Variants in NLRP1 observed in about 807,000 individuals in gnomAD.
NLRP1 encodes the protein NLR family pyrin domain containing 1, also known as NACHT, LRR and PYD domains-containing protein 1.
In NLRP1, 94 loss-of-function variants were observed where a neutral mutation model predicts 136.7. The observed-to-expected ratio is 0.69, with a 90% CI of 0.58 to 0.82. The LOEUF (loss-of-function observed/expected upper bound fraction) is 0.82. Ranked by LOEUF, NLRP1 falls within the 40% of genes least tolerant of loss-of-function variation. NLRP1 has a pLI of 0.00. For synonymous variants in NLRP1, 690 were observed against 725.1 expected (o/e 0.95, Z 0.78); for missense variants, 1,575 against 1,802.7 (o/e 0.87, Z 2.29).
At chr17:5,542,213 G>GT (rs1555545248) in intron 5 of NLRP1, among the ~76,000 whole-genome samples, 186 bp from the exon 6 acceptor site, 1 of 151,154 alleles carries the variant, frequency 6.6e-6, no homozygotes, top group Non-Finnish European at 1.5e-5. Context: ...ATAATAGTTA[G>GT]TTTTTTGATC....
At chr17:5,511,551 C>T (rs868718187), downstream of NLRP1, among the ~76,000 whole-genome samples, 11 of 152,234 alleles carry the variant, frequency 7.2e-5, no homozygotes, top group Middle Eastern at 6.9e-3. Context: ...GGCTCCACTT[C>T]GGGGCTCGCT....
intron 3 of NLRP1, among the ~76,000 whole-genome samples, chr17:5,572,838 G>T (rs1567670113): frequency 6.6e-6 from 1 of 152,166 alleles, no homozygotes; most frequent in Non-Finnish European, 1.5e-5. Context: ...AAATTGGGGT[G>T]GTTCCAAGAT....
intron 5 of NLRP1, among the ~76,000 whole-genome samples, chr17:5,549,006 G>T (rs941311572): frequency 1.3e-5 from 2 of 152,148 alleles, no homozygotes; most frequent in African/African-American, 4.8e-5. Flanking sequence ...TTCTGCTAGG[G>T]ATTGTGTTGA....
chr17:5,558,964 C>G lies in NLRP1; in HGVS notation c.1732G>C (p.Gly578Arg), dbSNP rs115799546. ...LRDLCSLAAE[G>R]IWQKKTLFSP... ...AAAAGGGTCTTTTTTTGCCAGATGC[C>G]CTCAGCAGCCAGAGAGCAGAGGTCT... Residue 578 changes from glycine (G) to arginine (R), a missense_variant, in exon 4 of 17, where the codon GGC becomes CGC. Physicochemically the swap from Gly to Arg is moderately radical, Grantham distance 125 (BLOSUM62 -2). Transcript: ENST00000572272. 6.2e-7 allele frequency: 1 copy of G among 1,614,066 alleles called. No homozygotes were observed. Among genetic ancestry groups the G allele is most frequent in the South Asian group, 1.1e-5 (1 of 91,076 alleles).
At chr17:5,519,848 CTTTTTTTTTTTTTTT>C (rs755028729) in intron 14 of NLRP1, among the ~76,000 whole-genome samples, 2 of 90,266 alleles carry the variant, frequency 2.2e-5, no homozygotes, top group Non-Finnish European at 4.4e-5. Context: ...TAAATCAGGT[CTTTTTTTTTTTTTTT>C]TTTTTTTTTT....
At chr17:5,523,393 C>A (rs931269247) in intron 12 of NLRP1, among the ~76,000 whole-genome samples, 2 of 152,160 alleles carry the variant, frequency 1.3e-5, no homozygotes, top group African/African-American at 4.8e-5. Flanking sequence ...TATTTTCTGC[C>A]GCCTGTCTCC....
downstream of NLRP1, among the ~76,000 whole-genome samples, chr17:5,513,045 C>A (rs117654893): frequency 6.6e-6 from 1 of 152,198 alleles, no homozygotes; most frequent in Admixed American, 6.5e-5. Context: ...GTGATACAGG[C>A]GTGTCAGATT....
chr17:5,573,962 A>G (rs1307146464), intron 3 of NLRP1, among the ~76,000 whole-genome samples: 2 of 152,224 alleles, frequency 1.3e-5, no homozygotes, highest in South Asian at 2.1e-4. Flanking sequence ...ACGGAGAATG[A>G]CTTTGATGAG....
intron 3 of NLRP1, among the ~76,000 whole-genome samples, chr17:5,565,063 A>C (rs574788152): frequency 6.6e-4 from 101 of 152,290 alleles, no homozygotes; most frequent in South Asian, 2.1e-3. Context: ...AGGAAACTCC[A>C]AACTGTTCTC....
chr17:5,548,612 A>C (rs1912960471), intron 5 of NLRP1, among the ~76,000 whole-genome samples: 1 of 152,108 alleles, frequency 6.6e-6, no homozygotes. Context: ...TTGTGGTCTC[A>C]TTTTTTACCT....
At chr17:5,571,288 C>T (rs778646118) in intron 3 of NLRP1, among the ~76,000 whole-genome samples, 2 of 152,130 alleles carry the variant, frequency 1.3e-5, no homozygotes, top group Non-Finnish European at 2.9e-5. Flanking sequence ...AAGTAAAAGA[C>T]ATCCAAATAG....
intron 15 of NLRP1, among the ~76,000 whole-genome samples, chr17:5,516,188 C>G (rs757882909): frequency 1.3e-5 from 2 of 151,996 alleles, no homozygotes; most frequent in African/African-American, 4.8e-5. Context: ...GAGGTGGGCA[C>G]AGGGGAGGGA....
chr17:5,582,593 C>T, intron 2 of NLRP1, 77 bp downstream of exon 2: 1 of 1,411,820 alleles, frequency 7.1e-7, no homozygotes, highest in Non-Finnish European at 9.8e-7. Context: ...CATGCACAGA[C>T]ATGATCCTCT....
chr17:5,546,238 C>T (rs1912643341), intron 5 of NLRP1, among the ~76,000 whole-genome samples: 1 of 151,642 alleles, frequency 6.6e-6, no homozygotes, highest in Non-Finnish European at 1.5e-5. Context: ...ATTGTACCAG[C>T]TGGCTGCAAG....
Position 5,584,099 on chromosome 17 carries a change from G to A in NLRP1, c.-142C>T, listed in dbSNP as rs1906020142. 2.5e-6 allele frequency: 2 copies of A among 805,088 alleles called. No individual in the cohort carries two copies. The highest frequency in any genetic ancestry group is 3.8e-6 in the Non-Finnish European group (2 of 521,926). The allele number at this position is 805,088 out of a possible 1,614,324, so 49.9% of individuals were successfully genotyped here. ...CGGAACCCAGTTTTATAAATCCCAG[G>A]GCACCTACAGATAGACGCCGATAGA... is the stretch of plus-strand genomic sequence containing the variant. On this transcript the variant is annotated 5_prime_UTR_variant, in exon 1 of 17. Transcript: ENST00000572272.
At chr17:5,581,364 C>T (rs1305717757) in intron 3 of NLRP1, among the ~76,000 whole-genome samples, 3 of 152,210 alleles carry the variant, frequency 2.0e-5, no homozygotes. Context: ...CCTTGGTTTT[C>T]TCATCTCCAG....
chr17:5,580,605 T>A (rs1007927928), intron 3 of NLRP1, among the ~76,000 whole-genome samples: 2 of 152,220 alleles, frequency 1.3e-5, no homozygotes, highest in Admixed American at 1.3e-4. Context: ...AAACTTTATT[T>A]ATAGCAATGA....
intron 3 of NLRP1, among the ~76,000 whole-genome samples, chr17:5,581,500 C>G (rs1905642183): frequency 6.6e-6 from 1 of 152,192 alleles, no homozygotes; most frequent in African/African-American, 2.4e-5. Context: ...ATGGGACTAG[C>G]TGTAGGCCAC....
At position 5,583,789 on chromosome 17, in the gene NLRP1, G is replaced by A. The variant is rs1295474859; in HGVS notation, c.169C>T (p.Leu57=). The A allele has an allele frequency of 6.4e-7, 1 of 1,555,972 alleles. No individual in the cohort carries two copies. Among genetic ancestry groups the A allele is most frequent in the South Asian group, 1.2e-5 (1 of 84,498 alleles). The change falls in exon 1 of 17, where the codon CTG becomes TTG. Residue 57 remains leucine, a synonymous_variant. Transcript: ENST00000572272. The surrounding 1 kb of genome is among the most constrained non-coding windows in gnomAD (Gnocchi z 4.5). ...CGCTGCTCCCCATACTGAGCCACCA[G>A]GTACGAGGCCACCTCCATGCCACTC... ...KTSGMEVASY[L]VAQYGEQRAW... is the part of the protein sequence containing the mutation.
Sources: gnomAD v4.1 joint callset for allele counts (sites outside exome capture counted in the v4.1 genomes callset) on GRCh38, gnomAD v4.1.1 for gene constraint, Gnocchi (gnomAD v3.1) non-coding constraint, MANE v1.5 for transcripts, NCBI Gene and HGNC (gene_info 2026-07-23, HGNC 2026-07-21) for gene names.